Variants in USP9X observed in about 807,000 individuals in gnomAD.
The protein encoded by USP9X is ubiquitin carboxyl-terminal hydrolase 9X.
In USP9X, 7 loss-of-function variants were observed where a neutral mutation model predicts 190.3. That is an observed-to-expected ratio of 0.04 (90% confidence interval 0.02 to 0.07). USP9X has a LOEUF of 0.07. Among genes scored for constraint, USP9X ranks in the 10% least tolerant of loss-of-function variants. The pLI is 1.00. For missense variants in USP9X, 1,010 were observed against 1,916.9 expected (o/e 0.53, Z 8.83); for synonymous variants, 645 against 659.5 (o/e 0.98, Z 0.34).
chrX:41,110,310 A>G (rs1213779341), intron 1 of USP9X, among the ~76,000 whole-genome samples: 1 of 112,601 alleles, frequency 8.9e-6, no homozygotes, highest in Non-Finnish European at 1.9e-5. Flanking sequence ...GATATGTACT[A>G]TAACAGTGAC....
At chrX:41,109,770 T>TG (rs111621725) in intron 1 of USP9X, among the ~76,000 whole-genome samples, 19,058 of 108,963 alleles carry the variant, frequency 0.17, 1,351 homozygotes, top group Admixed American at 0.23. Flanking sequence ...ACACTGGGGA[T>TG]GGGGGGGGCA....
At chrX:41,161,329 C>CTT (rs1158519140) in intron 14 of USP9X, among the ~76,000 whole-genome samples, 329 of 32,464 alleles carry the variant, frequency 0.01, 97 homozygotes, top group African/African-American at 0.045. Context: ...GAATTCTTGC[C>CTT]TTTTTTTTTT....
intron 41 of USP9X, among the ~76,000 whole-genome samples, chrX:41,227,943 G>A (rs1358915707): frequency 8.9e-6 from 1 of 111,796 alleles, no homozygotes; most frequent in Non-Finnish European, 1.9e-5. Flanking sequence ...CTCGTGATCC[G>A]CCCACCTCGG....
intron 22 of USP9X, 56 bp from the exon 23 acceptor site, chrX:41,184,341 A>T (rs887137960): frequency 1.3e-5 from 14 of 1,072,315 alleles, no homozygotes; most frequent in African/African-American, 1.2e-4. Flanking sequence ...AATAGAAGTT[A>T]TTTTTTTTTT....
At chrX:41,086,215 C>T (rs1417652343) in intron 1 of USP9X, 106 bp downstream of exon 1, 2 of 285,748 alleles carry the variant, frequency 7.0e-6, no homozygotes, top group East Asian at 9.9e-5. Context: ...GAGCCTCTTC[C>T]CTCGGCGGCT....
intron 2 of USP9X, among the ~76,000 whole-genome samples, chrX:41,124,405 C>G (rs1299753656): frequency 9.0e-6 from 1 of 111,324 alleles, no homozygotes; most frequent in Non-Finnish European, 1.9e-5. Context: ...GATGGTGCCA[C>G]TGCACTCCAG....
In USP9X at chrX:41,140,700, G is replaced by A. The variant is rs746644999; in HGVS notation, c.699G>A (p.Gly233=). The change falls in exon 7 of 45, where the codon GGG becomes GGA. Residue 233 remains glycine, a synonymous_variant. Coordinates refer to ENST00000378308, the MANE Select transcript of USP9X (RefSeq NM_001039591.3). ...DLLNKFGTLN[G]FQILHDRFIN... Reference sequence around the variant, plus strand: ...TCAACAAATTTGGCACTTTAAATGGGTTCCAGATTTTGCATGATCGTTTTA... The same window carrying A: ...TCAACAAATTTGGCACTTTAAATGGATTCCAGATTTTGCATGATCGTTTTA... The A allele has an allele frequency of 8.3e-7, 1 of 1,207,583 alleles. No individual in the cohort carries two copies. The highest frequency in any genetic ancestry group is 1.8e-5 in the South Asian group (1 of 55,774).
At chrX:41,094,756 G>C (rs752542288) in intron 1 of USP9X, among the ~76,000 whole-genome samples, 1 of 109,429 alleles carries the variant, frequency 9.1e-6, no homozygotes, top group Non-Finnish European at 1.9e-5. Flanking sequence ...CCGAAATTTG[G>C]GGCCAGGCGC....
intron 1 of USP9X, among the ~76,000 whole-genome samples, chrX:41,098,834 C>CTGGCTGACGTTTGAGATTGTTCA (rs1569146872): frequency 1.8e-5 from 2 of 108,119 alleles, no homozygotes; most frequent in African/African-American, 6.9e-5. Flanking sequence ...TGTGAGCCAC[C>CTGGCTGACGTTTGAGATTGTTCA]GTGCCCAGCC....
chrX:41,189,590 T>G, intron 26 of USP9X, 115 bp downstream of exon 26: 1 of 674,572 alleles, frequency 1.5e-6, no homozygotes, highest in East Asian at 3.6e-5. Flanking sequence ...GGCATATTGG[T>G]ATTGAGGAAA....
chrX:41,144,349 A>G (rs1259933129), intron 10 of USP9X, among the ~76,000 whole-genome samples, 173 bp from the exon 11 acceptor site: 1 of 108,314 alleles, frequency 9.2e-6, no homozygotes, highest in Non-Finnish European at 1.9e-5. Flanking sequence ...CCTCCCGAGT[A>G]GGTGGGATTA....
intron 26 of USP9X, among the ~76,000 whole-genome samples, chrX:41,191,406 T>C (rs1381072102): frequency 1.8e-5 from 2 of 110,630 alleles, no homozygotes; most frequent in Non-Finnish European, 3.8e-5. Context: ...TTGTGAGCTG[T>C]GTACAAATCT....
chrX:41,159,045 C>G (rs2062604561), intron 14 of USP9X, among the ~76,000 whole-genome samples: 1 of 111,225 alleles, frequency 9.0e-6, no homozygotes, highest in South Asian at 3.8e-4. Context: ...GATGTCCACT[C>G]CAACCACTTC....
intron 6 of USP9X, among the ~76,000 whole-genome samples, chrX:41,140,237 A>C (rs2062410318): frequency 8.9e-6 from 1 of 112,517 alleles, no homozygotes; most frequent in Non-Finnish European, 1.9e-5. Context: ...AATGTTTTAC[A>C]ACTAAACAAG....
At chrX:41,179,815 G>T (rs755889458) in intron 21 of USP9X, among the ~76,000 whole-genome samples, 17 of 111,177 alleles carry the variant, frequency 1.5e-4, no homozygotes, top group African/African-American at 5.6e-4. Context: ...CTCAGATTTA[G>T]TGGGGCATTA....
chrX:41,197,380 C>T lies in USP9X; in HGVS notation c.4250C>T (p.Thr1417Ile), dbSNP rs1035004852. The T allele has an allele frequency of 3.0e-6, 2 of 666,867 alleles. No individual in the cohort carries two copies. The highest frequency in any genetic ancestry group is 2.0e-6 in the Non-Finnish European group (1 of 487,899). 55.0% of individuals were successfully genotyped at this position (666,867 alleles called of 1,213,427 possible). ...LKRIRDDVKR[T>I]GETGIEETIL... Reference sequence around the variant, plus strand: ...CTTTGGCAGGATGATGTTAAAAGAACAGGAGAAACGGGTATTGAAGAGACG... The same window carrying T: ...CTTTGGCAGGATGATGTTAAAAGAATAGGAGAAACGGGTATTGAAGAGACG... Residue 1417 changes from threonine to isoleucine, a missense_variant, in exon 29 of 45, where the codon ACA becomes ATA. Physicochemically the swap from Thr to Ile is moderately conservative, Grantham distance 89 (BLOSUM62 -1). Coordinates refer to ENST00000378308, the MANE Select transcript of USP9X (RefSeq NM_001039591.3).
intron 1 of USP9X, among the ~76,000 whole-genome samples, chrX:41,087,586 A>G (rs1258749821): frequency 1.8e-5 from 2 of 112,644 alleles, no homozygotes; most frequent in Admixed American, 9.4e-5. Context: ...TCATACATCT[A>G]ACTTTAACCC....
At chrX:41,117,764 T>C (rs1225559684) in intron 1 of USP9X, among the ~76,000 whole-genome samples, 4 of 108,372 alleles carry the variant, frequency 3.7e-5, no homozygotes, top group Non-Finnish European at 5.7e-5. Context: ...TTTCACCGTG[T>C]TAGCCAGGAT....
chrX:41,107,624 TC>T (rs1307467466), intron 1 of USP9X, among the ~76,000 whole-genome samples: 261 of 112,255 alleles, frequency 2.3e-3, no homozygotes, highest in African/African-American at 7.8e-3. Context: ...TCTTTTCTGT[TC>T]CCTTTTCTCC....
Sources: gnomAD v4.1 joint callset for allele counts (sites outside exome capture counted in the v4.1 genomes callset) on GRCh38, gnomAD v4.1.1 for gene constraint, MANE v1.5 for transcripts, NCBI Gene and HGNC (gene_info 2026-07-23, HGNC 2026-07-21) for gene names.